Variants in NUP107 observed in about 807,000 individuals in gnomAD.
NUP107 encodes the protein nucleoporin 107.
NUP107 carries 101 observed loss-of-function variants against 141.0 expected under a neutral mutation model. The ratio of observed to expected loss-of-function variants is 0.72; its 90% CI spans 0.61 to 0.84. The LOEUF (loss-of-function observed/expected upper bound fraction) is 0.84, where lower values mean the gene tolerates loss of function less well. Ranked by LOEUF, NUP107 falls within the 40% of genes least tolerant of loss-of-function variation. The pLI, the probability that NUP107 is intolerant of heterozygous loss-of-function variation, is 0.00. For missense variants in NUP107, 941 were observed against 1,102.7 expected (o/e 0.85, Z 2.08); for synonymous variants, 319 against 363.9 (o/e 0.88, Z 1.41).
intron 8 of NUP107, among the ~76,000 whole-genome samples, chr12:68,707,302 A>T (rs1251953116): frequency 7.2e-6 from 1 of 138,794 alleles, no homozygotes; most frequent in Non-Finnish European, 1.7e-5. Flanking sequence ...CCAACTGTCA[A>T]AAAAGAAAAA....
chr12:68,690,834 C>T (rs1875749053), intron 4 of NUP107, 88 bp downstream of exon 4: 3 of 1,325,198 alleles, frequency 2.3e-6, no homozygotes, highest in Non-Finnish European at 2.1e-6. Context: ...AACTCCTGAC[C>T]TCAAGTGATT....
rs1320904001 is a variant in NUP107 at position 68,719,424 on chromosome 12, T to A, written c.1167T>A (p.Val389=). Residue 389 remains valine, a synonymous_variant, in exon 13 of 28, where the codon GTT becomes GTA. Transcript: ENST00000229179. ...EGWKLYHDPN[V]NGGTELEPVE... is the part of the protein sequence containing the mutation. ...GGAAACTGTACCATGACCCTAATGTTAATGGAGGTATTTTAGTAGATTTTA... is the reference window on the plus strand; with the variant it reads ...GGAAACTGTACCATGACCCTAATGTAAATGGAGGTATTTTAGTAGATTTTA... 1 of 1,613,430 alleles carries A rather than the reference T, an allele frequency of 6.2e-7. No homozygotes were observed. The highest frequency in any genetic ancestry group is 2.2e-5 in the East Asian group (1 of 44,882).
At position 68,722,140 on chromosome 12, in the gene NUP107, T is replaced by C. The variant is rs1168449862; in HGVS notation, c.1494T>C (p.Ala498=). ...AAAAGGTTTTTGAGGAACTTCAAGC[T>C]ACTGACAAAAAGGTAAATGTTAATA... is the stretch of plus-strand genomic sequence containing the variant. ...TLEKVFEELQ[A]TDKKRVLEEN... is the part of the protein sequence containing the mutation. The change falls in exon 17 of 28, where the codon GCT becomes GCC. Residue 498 remains alanine (A), a synonymous_variant. Transcript: ENST00000229179. 5 of 1,613,418 alleles carry C rather than the reference T, an allele frequency of 3.1e-6. No homozygotes were observed. The South Asian group carries it at 3.3e-5, about 11-fold the overall frequency.
chr12:68,731,907 G>A (rs1170947888), intron 22 of NUP107, among the ~76,000 whole-genome samples, 188 bp downstream of exon 22: 2 of 152,040 alleles, frequency 1.3e-5, no homozygotes, highest in Non-Finnish European at 2.9e-5. Flanking sequence ...GTATGTTAAA[G>A]GAGCTTCTTT....
Position 68,709,355 on chromosome 12 carries a change from G to C in NUP107, c.801+46G>C, listed in dbSNP as rs1443507463. On this transcript the variant is annotated intron_variant, in intron 9 of 27. Coordinates refer to ENST00000229179, the MANE Select transcript of NUP107 (RefSeq NM_020401.4). Reference sequence around the variant, plus strand: ...TTTTTTTTATGAAACATGGAGAAAAGGTTAATGACATGCAAAGTACTGAAG... The same window carrying C: ...TTTTTTTTATGAAACATGGAGAAAACGTTAATGACATGCAAAGTACTGAAG... 5 of 1,149,474 alleles carry C rather than the reference G, an allele frequency of 4.3e-6. No homozygotes were observed. In the African/African-American group the frequency reaches 4.7e-5, roughly 11 times the overall value. The allele number at this position is 1,149,474 out of a possible 1,614,324, so 71.2% of individuals were successfully genotyped here. A position where few individuals can be genotyped will look rare whatever the true frequency, so the allele number is the denominator to read the frequency against.
intron 14 of NUP107, among the ~76,000 whole-genome samples, chr12:68,720,574 A>G (rs1442836290): frequency 1.3e-5 from 2 of 152,246 alleles, no homozygotes; most frequent in Non-Finnish European, 2.9e-5. Flanking sequence ...AACAGAAGGC[A>G]GAGGTGGACT....
intron 11 of NUP107, 133 bp from the exon 12 acceptor site, chr12:68,715,494 G>A (rs1333971428): frequency 3.0e-5 from 18 of 591,684 alleles, no homozygotes; most frequent in Middle Eastern, 4.8e-4. Context: ...ACTCCGTCTC[G>A]GAAAAGAAAA....
intron 10 of NUP107, among the ~76,000 whole-genome samples, chr12:68,712,637 GT>G (rs950710577): frequency 7.1e-6 from 1 of 140,332 alleles, no homozygotes; most frequent in Non-Finnish European, 1.6e-5. Context: ...TTTGTTTTTT[GT>G]TTTTTGTTTT....
chr12:68,715,461 T>G (rs973430287), intron 11 of NUP107, among the ~76,000 whole-genome samples, 166 bp from the exon 12 acceptor site: 4 of 151,980 alleles, frequency 2.6e-5, no homozygotes, highest in African/African-American at 9.7e-5. Flanking sequence ...GCCACTGCAC[T>G]CCAGCCTGGG....
rs770966145 is a variant in NUP107, at chr12:68,731,238, C to A, written c.1863C>A (p.Cys621Ter). 5.0e-6 allele frequency: 8 copies of A among 1,601,348 alleles called. No individual in the cohort carries two copies. The South Asian group carries it at 8.0e-5, about 16-fold the overall frequency. Reference protein sequence around the residue: ...SVTEFEQRHHCLELAKEADLD... With the variant: ...SVTEFEQRHH ...CAGAATTTGAACAGCGCCACCATTG[C>A]CTGGAGTTGGCTAAAGAAGCAGGTA... is the stretch of plus-strand genomic sequence containing the variant. Residue 621 changes from cysteine (C) to a stop codon, truncating the protein, a stop_gained, in exon 21 of 28, where the codon TGC (cysteine) becomes TGA (stop). Coordinates refer to ENST00000229179, the MANE Select transcript of NUP107 (RefSeq NM_020401.4). LOFTEE classifies it high-confidence loss of function.
At chr12:68,695,633 T>TTAA (rs1316851484) in intron 5 of NUP107, among the ~76,000 whole-genome samples, 1 of 151,596 alleles carries the variant, frequency 6.6e-6, no homozygotes, top group Non-Finnish European at 1.5e-5. Flanking sequence ...GAGTGGGGAG[T>TTAA]TAATGTTTAT....
At chr12:68,725,582 G>T in intron 17 of NUP107, 145 bp from the exon 18 acceptor site, 1 of 517,170 alleles carries the variant, frequency 1.9e-6, no homozygotes, top group Non-Finnish European at 3.4e-6. Context: ...GTTTTATTTT[G>T]TTTTGATCTT....
At chr12:68,703,487 G>A (rs770887566) in intron 8 of NUP107, among the ~76,000 whole-genome samples, 3 of 150,366 alleles carry the variant, frequency 2.0e-5, no homozygotes, top group Non-Finnish European at 4.4e-5. Flanking sequence ...GTTTCACTCT[G>A]TCACCCAGGT....
rs769336733 is a variant in NUP107, at chr12:68,722,087, CGTT to C, written c.1458-13_1458-11del. On this transcript the variant is annotated splice_polypyrimidine_tract_variant and intron_variant, in intron 16 of 27. Transcript: ENST00000229179. ...CATATTATTAACATTATTCTTTTCCCGTTGTTTCTTTTGAAGCTGGACGTTAGA... is the reference window on the plus strand; with the variant it reads ...CATATTATTAACATTATTCTTTTCCCGTTTCTTTTGAAGCTGGACGTTAGA... 1.2e-6 allele frequency: 2 copies of C among 1,611,978 alleles called. No homozygotes were observed. The highest frequency in any genetic ancestry group is 2.2e-5 in the South Asian group (2 of 90,568).
Position 68,696,878 on chromosome 12 carries a change from GT to G in NUP107, c.513del (p.Phe171LeufsTer15). The G allele has an allele frequency of 6.2e-7, 1 of 1,609,836 alleles. No individual in the cohort carries two copies. On this transcript the variant is annotated frameshift_variant, in exon 6 of 28. Transcript: ENST00000229179. LOFTEE classifies it high-confidence loss of function. ...QSFLKHSSST[V>X]FDLVEEYENI... ...TTTTCTGAAGCACTCTTCGAGTACAGTTTTTGATCTTGTGGAAGAGTATGAA... is the reference window on the plus strand; with the variant it reads ...TTTTCTGAAGCACTCTTCGAGTACAGTTTTGATCTTGTGGAAGAGTATGAA...
chr12:68,691,774 C>T (rs761092236), intron 4 of NUP107, among the ~76,000 whole-genome samples, 194 bp from the exon 5 acceptor site: 6 of 150,172 alleles, frequency 4.0e-5, no homozygotes, highest in Non-Finnish European at 7.4e-5. Flanking sequence ...GCAAAGGTTG[C>T]GTTGAGCCAT....
chr12:68,735,449 T>C, intron 26 of NUP107, 105 bp downstream of exon 26: 1 of 774,382 alleles, frequency 1.3e-6, no homozygotes, highest in East Asian at 2.5e-5. Flanking sequence ...TTTACATAAT[T>C]GTAGATATAG....
intron 26 of NUP107, among the ~76,000 whole-genome samples, chr12:68,738,374 C>A (rs1592525464): frequency 6.6e-6 from 1 of 151,430 alleles, no homozygotes; most frequent in African/African-American, 2.4e-5. Context: ...CGATTGAACC[C>A]AGGGAGGCGG....
intron 8 of NUP107, among the ~76,000 whole-genome samples, chr12:68,707,537 T>C (rs774799130): frequency 4.3e-4 from 66 of 152,238 alleles, no homozygotes; most frequent in African/African-American, 1.5e-3. Flanking sequence ...AGGTCAAGAA[T>C]GTAGTGAGCT....
Sources: gnomAD v4.1 joint callset for allele counts (sites outside exome capture counted in the v4.1 genomes callset) on GRCh38, gnomAD v4.1.1 for gene constraint, MANE v1.5 for transcripts, NCBI Gene and HGNC (gene_info 2026-07-23, HGNC 2026-07-21) for gene names.